The following MCHR2 variants were observed in gnomAD, a reference collection of about 807,000 sequenced individuals.
MCHR2 encodes the protein melanin concentrating hormone receptor 2.
A neutral mutation model predicts 24.8 loss-of-function variants in MCHR2; 15 were observed. The ratio of observed to expected loss-of-function variants is 0.60; its 90% CI spans 0.40 to 0.93. The LOEUF (loss-of-function observed/expected upper bound fraction) is 0.93. MCHR2 is among the 40% of genes least tolerant of loss of function. The pLI is 0.00. For missense variants in MCHR2, 386 were observed against 408.7 expected, an observed-to-expected ratio of 0.94 and a Z score of 0.48; for synonymous variants, 151 against 147.6, an observed-to-expected ratio of 1.02 and a Z score of -0.17.
intron 5 of MCHR2, among the ~76,000 whole-genome samples, chr6:99,928,406 G>A (rs559386996): frequency 4.7e-4 from 71 of 152,202 alleles, no homozygotes; most frequent in African/African-American, 1.7e-3. Context: ...AGTTTCAGAA[G>A]GAATGGTACC....
At chr6:99,977,520 T>A (rs1422719340) in intron 1 of MCHR2, among the ~76,000 whole-genome samples, 2 of 152,184 alleles carry the variant, frequency 1.3e-5, no homozygotes, top group Non-Finnish European at 2.9e-5. Context: ...GACACTTTTG[T>A]CTTTGTGAGC....
chr6:99,924,954 T>C (rs1287604109), intron 5 of MCHR2, among the ~76,000 whole-genome samples: 1 of 152,150 alleles, frequency 6.6e-6, no homozygotes, highest in Non-Finnish European at 1.5e-5. Flanking sequence ...TGTTTCTTTG[T>C]CAATTTTCTG....
At chr6:99,955,841 C>T (rs1411405112) in intron 2 of MCHR2, 125 bp downstream of exon 2, 7 of 761,942 alleles carry the variant, frequency 9.2e-6, no homozygotes, top group African/African-American at 9.1e-5. Context: ...TTATCTTAAG[C>T]AAATATTTCC....
chr6:99,984,974 T>C (rs1775745287), intron 1 of MCHR2, among the ~76,000 whole-genome samples: 1 of 152,116 alleles, frequency 6.6e-6, no homozygotes, highest in Non-Finnish European at 1.5e-5. Context: ...ATGACTTCAG[T>C]AAAGTTTCAG....
intron 1 of MCHR2, among the ~76,000 whole-genome samples, chr6:99,965,154 C>G (rs1288664397): frequency 6.6e-6 from 1 of 152,086 alleles, no homozygotes. Context: ...GTTATAATAA[C>G]AGTAAAAGTA....
At chr6:99,948,341 C>G (rs1324091483) in intron 2 of MCHR2, among the ~76,000 whole-genome samples, 4 of 152,026 alleles carry the variant, frequency 2.6e-5, no homozygotes, top group African/African-American at 9.7e-5. Context: ...TCTTTGCTCT[C>G]TGTTGGATTG....
intron 2 of MCHR2, among the ~76,000 whole-genome samples, chr6:99,953,832 A>G (rs942908588): frequency 2.0e-5 from 3 of 152,170 alleles, no homozygotes; most frequent in Non-Finnish European, 4.4e-5. Context: ...ACAGGACACA[A>G]TAAGGAATGC....
At chr6:99,983,509 C>T (rs1685204273) in intron 1 of MCHR2, among the ~76,000 whole-genome samples, 1 of 152,164 alleles carries the variant, frequency 6.6e-6, no homozygotes, top group South Asian at 2.1e-4. Flanking sequence ...CCCAGTTGTT[C>T]CCCAAAAAAG....
Position 99,919,385 on chromosome 6 carries a change from A to C in MCHR2, c.*1555T>G, listed in dbSNP as rs1261754855. On this transcript the variant is annotated 3_prime_UTR_variant, in exon 6 of 6. Coordinates refer to ENST00000281806, the MANE Select transcript of MCHR2 (RefSeq NM_001040179.2). ...TACAAGTTTATCCAAACACAATTGAAATATAAAAATGGAGATCAGATATAA... is the reference window on the plus strand; with the variant it reads ...TACAAGTTTATCCAAACACAATTGACATATAAAAATGGAGATCAGATATAA... 6.6e-6 allele frequency among the ~76,000 whole-genome samples: 1 copy of C among 152,234 alleles called. No individual in the cohort carries two copies. The highest frequency in any genetic ancestry group is 2.4e-5 in the African/African-American group (1 of 41,458).
chr6:99,955,211 T>C (rs893835833), intron 2 of MCHR2, among the ~76,000 whole-genome samples: 8 of 152,192 alleles, frequency 5.3e-5, no homozygotes, highest in African/African-American at 1.9e-4. Flanking sequence ...ATATACCAAG[T>C]AGCTATAGGG....
At chr6:99,981,920 TGCTA>T (rs1775676425) in intron 1 of MCHR2, among the ~76,000 whole-genome samples, 1 of 152,174 alleles carries the variant, frequency 6.6e-6, no homozygotes, top group Non-Finnish European at 1.5e-5. Flanking sequence ...TCCCCAAAAC[TGCTA>T]GCGACTGTAA....
intron 5 of MCHR2, among the ~76,000 whole-genome samples, chr6:99,928,264 T>C (rs1774416870): frequency 6.6e-6 from 1 of 152,218 alleles, no homozygotes. Context: ...GATTTTTGCA[T>C]CAATGTTCAT....
At chr6:99,975,748 C>T (rs924273741) in intron 1 of MCHR2, among the ~76,000 whole-genome samples, 1 of 152,228 alleles carries the variant, frequency 6.6e-6, no homozygotes. Flanking sequence ...TTTAAACATA[C>T]TCACTACTTC....
At chr6:99,982,935 T>C (rs1775698803) in intron 1 of MCHR2, among the ~76,000 whole-genome samples, 2 of 151,942 alleles carry the variant, frequency 1.3e-5, no homozygotes, top group African/African-American at 2.4e-5. Flanking sequence ...CCGGCCATGA[T>C]GTTTTTGTTT....
intron 5 of MCHR2, among the ~76,000 whole-genome samples, chr6:99,924,753 G>A (rs1774314148): frequency 6.6e-6 from 1 of 152,002 alleles, no homozygotes; most frequent in Admixed American, 6.6e-5. Context: ...TTCTATTGTG[G>A]TCAGAGAAGA....
rs368474343 is a variant in MCHR2 at position 99,938,863 on chromosome 6, G to A, written c.587+4086C>T. On this transcript the variant is annotated intron_variant, in intron 4 of 5. Transcript: ENST00000281806. ...ATTAGTGTTTGCTCTATATATTTGGGAGCCCCAATGTTGGGTGCAGAGATA... is the reference window on the plus strand; with the variant it reads ...ATTAGTGTTTGCTCTATATATTTGGAAGCCCCAATGTTGGGTGCAGAGATA... Among the ~76,000 whole-genome samples the A allele has an allele frequency of 6.6e-5, 10 of 152,132 alleles. No individual in the cohort carries two copies. In the South Asian group the frequency reaches 2.1e-3, roughly 32 times the overall value.
intron 1 of MCHR2, among the ~76,000 whole-genome samples, chr6:99,957,973 A>C (rs1490617267): frequency 6.6e-6 from 1 of 152,098 alleles, no homozygotes; most frequent in African/African-American, 2.4e-5. Context: ...TATTCTGTGA[A>C]AGATGATAAC....
At chr6:99,967,724 A>G (rs1237370588) in intron 1 of MCHR2, among the ~76,000 whole-genome samples, 1 of 152,162 alleles carries the variant, frequency 6.6e-6, no homozygotes, top group Non-Finnish European at 1.5e-5. Context: ...TTACCTGTCA[A>G]CAATCCCCCC....
chr6:99,975,325 G>T (rs1284485344), intron 1 of MCHR2, among the ~76,000 whole-genome samples: 1 of 152,170 alleles, frequency 6.6e-6, no homozygotes, highest in Non-Finnish European at 1.5e-5. Context: ...ATCTCAGACT[G>T]CTGTGCTAGG....
Sources: allele counts gnomAD v4.1 joint callset (sites outside exome capture counted in the v4.1 genomes callset), GRCh38; gene constraint gnomAD v4.1.1; transcripts MANE v1.5; gene names NCBI Gene and HGNC (gene_info 2026-07-23, HGNC 2026-07-21).